Variants in CDH10 observed in about 807,000 individuals in gnomAD.
CDH10 encodes cadherin-10.
A neutral mutation model predicts 73.1 loss-of-function variants in CDH10; 30 were observed. The ratio of observed to expected loss-of-function variants is 0.41; its 90% CI spans 0.31 to 0.56. CDH10 has a LOEUF of 0.56. CDH10 is among the 20% of genes least tolerant of loss of function. The pLI, the probability that CDH10 is intolerant of heterozygous loss-of-function variation, is 0.27. For synonymous variants in CDH10, 345 were observed against 348.2 expected (o/e 0.99, Z 0.10); for missense variants, 815 against 973.7 (o/e 0.84, Z 2.17).
intron 8 of CDH10, among the ~76,000 whole-genome samples, chr5:24,501,686 T>C (rs1366036557): frequency 6.6e-6 from 1 of 152,162 alleles, no homozygotes; most frequent in Non-Finnish European, 1.5e-5. Flanking sequence ...AAAATATAAC[T>C]GTTTTACCTG....
At chr5:24,491,513 C>T (rs1320823295) in intron 11 of CDH10, 63 bp downstream of exon 11, 1 of 1,458,202 alleles carries the variant, frequency 6.9e-7, no homozygotes, top group Non-Finnish European at 9.3e-7. Context: ...TTAATAGCCA[C>T]AATTCTTCAA....
At chr5:24,534,411 T>C (rs556975162) in intron 5 of CDH10, among the ~76,000 whole-genome samples, 1 of 152,138 alleles carries the variant, frequency 6.6e-6, no homozygotes, top group East Asian at 1.9e-4. Context: ...ACCATCCTCT[T>C]TAGTATGCGA....
In CDH10 at chr5:24,500,707, T is replaced by C. The variant is rs114691282; in HGVS notation, c.1394-2188A>G. Among the ~76,000 whole-genome samples the C allele has an allele frequency of 3.2e-3, 488 of 152,340 alleles. 3 individuals are homozygous for C. The highest frequency in any genetic ancestry group is 0.011 in the African/African-American group (465 of 41,578). ...AATGCGTGAAAATTTCTTATGAAAGTATCAGTTTAATGATCAGGACTCAAT... is the reference window on the plus strand; with the variant it reads ...AATGCGTGAAAATTTCTTATGAAAGCATCAGTTTAATGATCAGGACTCAAT... On this transcript the variant is annotated intron_variant, in intron 8 of 11. Coordinates refer to ENST00000264463, the MANE Select transcript of CDH10 (RefSeq NM_006727.5).
chr5:24,536,023 T>A (rs1367852368), intron 3 of CDH10, among the ~76,000 whole-genome samples: 5 of 152,124 alleles, frequency 3.3e-5, no homozygotes, highest in Admixed American at 2.6e-4. Context: ...ATTTATTTAG[T>A]CAACATGTCT....
At chr5:24,610,343 A>T (rs1332821128) in intron 1 of CDH10, among the ~76,000 whole-genome samples, 1 of 152,160 alleles carries the variant, frequency 6.6e-6, no homozygotes, top group Non-Finnish European at 1.5e-5. Context: ...TATAAACTTA[A>T]TTTTTAATCT....
chr5:24,559,353 A>T (rs1469754314), intron 2 of CDH10, among the ~76,000 whole-genome samples: 2 of 151,986 alleles, frequency 1.3e-5, no homozygotes, highest in Non-Finnish European at 2.9e-5. Context: ...AATATGTGTA[A>T]ACAAATGTAT....
chr5:24,550,200 G>A (rs1385096702), intron 2 of CDH10, among the ~76,000 whole-genome samples: 1 of 152,166 alleles, frequency 6.6e-6, no homozygotes, highest in Non-Finnish European at 1.5e-5. Flanking sequence ...AATGTTTAAA[G>A]TATTCTAAAT....
chr5:24,575,780 A>T (rs546852944), intron 2 of CDH10, among the ~76,000 whole-genome samples: 45 of 152,232 alleles, frequency 3.0e-4, no homozygotes, highest in African/African-American at 1.1e-3. Context: ...TTTATATTTA[A>T]ATACCTGTGC....
intron 1 of CDH10, among the ~76,000 whole-genome samples, chr5:24,617,915 T>C (rs1336143575): frequency 6.6e-6 from 1 of 152,188 alleles, no homozygotes; most frequent in Admixed American, 6.5e-5. Flanking sequence ...GTTTTAGAAT[T>C]GTAAGGAATC....
chr5:24,540,883 G>C (rs142523166), intron 2 of CDH10, among the ~76,000 whole-genome samples: 16 of 151,918 alleles, frequency 1.1e-4, no homozygotes, highest in African/African-American at 3.9e-4. Flanking sequence ...GACAAGTAAA[G>C]AAACTACAAG....
intron 1 of CDH10, among the ~76,000 whole-genome samples, chr5:24,631,891 G>A (rs565363593): frequency 6.6e-6 from 1 of 152,026 alleles, no homozygotes; most frequent in East Asian, 1.9e-4. Flanking sequence ...CAAAAGGAAA[G>A]GATCATTTTT....
intron 5 of CDH10, among the ~76,000 whole-genome samples, chr5:24,517,670 T>C (rs542379446): frequency 1.5e-4 from 23 of 152,240 alleles, no homozygotes; most frequent in African/African-American, 5.5e-4. Context: ...ATAAAGATAG[T>C]TGAATGAAGG....
intron 2 of CDH10, among the ~76,000 whole-genome samples, chr5:24,591,462 C>T (rs1208137114): frequency 6.6e-6 from 1 of 151,934 alleles, no homozygotes; most frequent in Non-Finnish European, 1.5e-5. Flanking sequence ...CTTACACCAA[C>T]ACTCATTAAA....
chr5:24,577,484 G>A (rs1745648074), intron 2 of CDH10, among the ~76,000 whole-genome samples: 1 of 151,638 alleles, frequency 6.6e-6, no homozygotes, highest in Non-Finnish European at 1.5e-5. Context: ...CTGCATACAT[G>A]CAAGAAGATA....
At chr5:24,631,399 A>C (rs550082386) in intron 1 of CDH10, among the ~76,000 whole-genome samples, 3 of 152,032 alleles carry the variant, frequency 2.0e-5, no homozygotes, top group Non-Finnish European at 4.4e-5. Context: ...AAATCAGTAC[A>C]TATCACTGAA....
chr5:24,519,032 A>C (rs941199334), intron 5 of CDH10, among the ~76,000 whole-genome samples: 4 of 151,654 alleles, frequency 2.6e-5, no homozygotes, highest in African/African-American at 9.7e-5. Flanking sequence ...CTGGGATTAC[A>C]GTTGTGCACC....
Position 24,511,413 on chromosome 5 carries a change from A to G in CDH10, c.916T>C (p.Tyr306His). 1 of 1,611,474 alleles carries G rather than the reference A, an allele frequency of 6.2e-7. No homozygotes were observed. The highest frequency in any genetic ancestry group is 2.2e-5 in the East Asian group (1 of 44,860). ...GTACCGTCACCATCAATAATTCGGT[A>G]TTCTACTTCAGCATTTTTCCCAGTG... ...ADTGKNAEVEYRIIDGDGTDM... is the reference protein window; with the variant it reads ...ADTGKNAEVEHRIIDGDGTDM... Residue 306 changes from tyrosine (Y) to histidine (H), a missense_variant, in exon 6 of 12, where the codon TAC (tyrosine) becomes CAC (histidine). This residue lies in a region of CDH10 where 516 missense variants were observed against 636.6 expected (regional missense o/e 0.81). Transcript: ENST00000264463.
intron 8 of CDH10, among the ~76,000 whole-genome samples, chr5:24,504,152 C>G (rs114472781): frequency 0.014 from 2,166 of 152,040 alleles, 50 homozygotes; most frequent in African/African-American, 0.049. Flanking sequence ...TCAAAAAAAT[C>G]CCGAAAAACA....
chr5:24,493,984 G>C (rs1742166174), intron 9 of CDH10, among the ~76,000 whole-genome samples: 2 of 151,740 alleles, frequency 1.3e-5, no homozygotes, highest in African/African-American at 2.4e-5. Context: ...AAATGTCTTA[G>C]AGCAATGAAA....
Sources: allele counts gnomAD v4.1 joint callset (sites outside exome capture counted in the v4.1 genomes callset), GRCh38; gene constraint gnomAD v4.1.1; regional missense constraint gnomAD v4.1.1; transcripts MANE v1.5; gene names NCBI Gene and HGNC (gene_info 2026-07-23, HGNC 2026-07-21).